The following PCSK6 variants were observed in gnomAD, a reference collection of about 807,000 sequenced individuals.
The protein encoded by PCSK6 is proprotein convertase subtilisin/kexin type 6.
PCSK6 carries 85 observed loss-of-function variants against 123.3 expected under a neutral mutation model. The ratio of observed to expected loss-of-function variants is 0.69; its 90% CI spans 0.58 to 0.83. The LOEUF is 0.83. PCSK6 is among the 40% of genes least tolerant of loss of function. The pLI is 0.00. For synonymous variants in PCSK6, 508 were observed against 516.0 expected (o/e 0.98, Z 0.21); for missense variants, 1,191 against 1,282.3 (o/e 0.93, Z 1.09).
In PCSK6 at chr15:101,376,581, C is replaced by T. The variant is rs550676222; in HGVS notation, c.1532+5511G>A. ...CTCCTAGGAATAACGCTTCAGTGTT[C>T]GTGGTGACTTTGTGGAACAGTACCA... is the stretch of plus-strand genomic sequence containing the variant. On this transcript the variant is annotated intron_variant, in intron 11 of 21. Coordinates refer to ENST00000611716, the MANE Select transcript of PCSK6 (RefSeq NM_002570.5). Among the ~76,000 whole-genome samples the T allele has an allele frequency of 6.6e-5, 10 of 152,316 alleles. No homozygotes were observed. In the East Asian group the frequency reaches 7.7e-4, roughly 12 times the overall value.
intron 15 of PCSK6, among the ~76,000 whole-genome samples, chr15:101,329,146 T>C (rs1048803620): frequency 5.9e-5 from 9 of 152,356 alleles, no homozygotes; most frequent in African/African-American, 2.2e-4. Flanking sequence ...TAGCGGCTGA[T>C]GCCTCTCTAG....
intron 21 of PCSK6, 50 bp downstream of exon 21, chr15:101,307,163 C>T: frequency 7.2e-7 from 1 of 1,386,738 alleles, no homozygotes; most frequent in Non-Finnish European, 1.0e-6. Flanking sequence ...ACGAGCTGGC[C>T]AGCTGAGCTC....
intron 1 of PCSK6, among the ~76,000 whole-genome samples, chr15:101,447,051 A>C (rs984765052): frequency 6.6e-6 from 1 of 152,182 alleles, no homozygotes; most frequent in Non-Finnish European, 1.5e-5. Context: ...AGGCCCATTG[A>C]AAGTCTCGTC....
chr15:101,453,483 G>A (rs1268908222), intron 1 of PCSK6, among the ~76,000 whole-genome samples: 1 of 152,222 alleles, frequency 6.6e-6, no homozygotes, highest in Admixed American at 6.5e-5. Context: ...CCCAGCCTGG[G>A]ACCCCATGTC....
At chr15:101,421,380 C>T (rs116080490) in intron 6 of PCSK6, among the ~76,000 whole-genome samples, 1 of 152,244 alleles carries the variant, frequency 6.6e-6, no homozygotes, top group African/African-American at 2.4e-5. Flanking sequence ...TTTTTGACAC[C>T]TTTCTACTCA....
At chr15:101,488,286 A>T (rs1411800463) in intron 1 of PCSK6, among the ~76,000 whole-genome samples, 1 of 152,212 alleles carries the variant, frequency 6.6e-6, no homozygotes. Flanking sequence ...TGTTAACTGC[A>T]CTGAGAGGTC....
intron 1 of PCSK6, among the ~76,000 whole-genome samples, chr15:101,450,220 C>T (rs149358367): frequency 3.3e-5 from 5 of 152,036 alleles, no homozygotes; most frequent in Non-Finnish European, 7.4e-5. Context: ...CCCGTACCAC[C>T]GCACTGACAC....
rs1365330379 is a variant in PCSK6 at position 101,426,607 on chromosome 15, G to A, written c.823+1285C>T. 3.3e-5 allele frequency among the ~76,000 whole-genome samples: 5 copies of A among 152,194 alleles called. No individual in the cohort carries two copies. The East Asian group carries it at 7.7e-4, about 23-fold the overall frequency. On this transcript the variant is annotated intron_variant, in intron 6 of 21. Transcript: ENST00000611716. ...ACCTTCAAGATTTCCACGGGAAAAGGCAGGCAGAGTCCTAATTAAGTAAAA... is the reference window on the plus strand; with the variant it reads ...ACCTTCAAGATTTCCACGGGAAAAGACAGGCAGAGTCCTAATTAAGTAAAA...
intron 11 of PCSK6, among the ~76,000 whole-genome samples, chr15:101,378,904 GT>G (rs1222285235): frequency 6.6e-6 from 1 of 152,238 alleles, no homozygotes; most frequent in Non-Finnish European, 1.5e-5. Context: ...ACTGTGTCTG[GT>G]GGGTCTGGCA....
intron 11 of PCSK6, among the ~76,000 whole-genome samples, chr15:101,375,337 A>G (rs1018632801): frequency 6.6e-6 from 1 of 152,198 alleles, no homozygotes; most frequent in African/African-American, 2.4e-5. Context: ...AATCCAGTAC[A>G]TTAACTTACA....
chr15:101,405,790 C>A (rs2042758314), intron 6 of PCSK6, among the ~76,000 whole-genome samples: 1 of 151,980 alleles, frequency 6.6e-6, no homozygotes, highest in East Asian at 1.9e-4. Flanking sequence ...GTCGCCCAGG[C>A]TGGAGTGCAG....
intron 16 of PCSK6, 96 bp from the exon 17 acceptor site, chr15:101,325,142 G>T: frequency 1.2e-6 from 1 of 819,834 alleles, no homozygotes; most frequent in Non-Finnish European, 1.9e-6. Context: ...AAGGCTTCAG[G>T]AGTGAATGTC....
chr15:101,465,417 G>T (rs937680939), intron 1 of PCSK6, among the ~76,000 whole-genome samples: 1 of 152,190 alleles, frequency 6.6e-6, no homozygotes, highest in Non-Finnish European at 1.5e-5. Context: ...CTGATGGTAC[G>T]TCCAGTGCAG....
intron 6 of PCSK6, among the ~76,000 whole-genome samples, chr15:101,426,088 G>T (rs989048170): frequency 9.2e-5 from 14 of 152,302 alleles, no homozygotes; most frequent in African/African-American, 2.9e-4. Flanking sequence ...GGGGAGCAAG[G>T]CTCAAGCAAC....
intron 7 of PCSK6, among the ~76,000 whole-genome samples, chr15:101,397,297 C>T (rs115165675): frequency 0.011 from 1,694 of 151,926 alleles, 29 homozygotes; most frequent in African/African-American, 0.039. Flanking sequence ...ATTCCTCCTC[C>T]GTGGGGCAGG....
intron 1 of PCSK6, among the ~76,000 whole-genome samples, chr15:101,487,733 G>C (rs1323583505): frequency 6.6e-6 from 1 of 152,156 alleles, no homozygotes; most frequent in African/African-American, 2.4e-5. Flanking sequence ...CAGGAGCCAG[G>C]GGCACTACGC....
chr15:101,392,548 G>A (rs2042262769), intron 8 of PCSK6, among the ~76,000 whole-genome samples: 1 of 144,740 alleles, frequency 6.9e-6, no homozygotes, highest in Admixed American at 7.0e-5. Flanking sequence ...TAATGACTTT[G>A]CACTTCAATT....
chr15:101,325,198 A>G (rs2040223099), intron 16 of PCSK6, among the ~76,000 whole-genome samples, 152 bp from the exon 17 acceptor site: 1 of 152,126 alleles, frequency 6.6e-6, no homozygotes, highest in African/African-American at 2.4e-5. Context: ...TGAGGTTCCT[A>G]CGTACACAGG....
chr15:101,398,788 C>T lies in PCSK6; in HGVS notation c.824-212G>A, dbSNP rs911791128. On this transcript the variant is annotated intron_variant, in intron 6 of 21. Transcript: ENST00000611716. The surrounding 1 kb of genome is among the most constrained non-coding windows in gnomAD (Gnocchi z 4.6). ...CAGGGCAACAAAAGAAAGCAAGCTACGTCCCAAAGAGAGGGTTCAGCTTCC... is the reference window on the plus strand; with the variant it reads ...CAGGGCAACAAAAGAAAGCAAGCTATGTCCCAAAGAGAGGGTTCAGCTTCC... Among the ~76,000 whole-genome samples the T allele has an allele frequency of 6.6e-6, 1 of 152,212 alleles. No homozygotes were observed. Among genetic ancestry groups the T allele is most frequent in the East Asian group, 1.9e-4 (1 of 5,202 alleles).
Sources: allele counts gnomAD v4.1 joint callset (sites outside exome capture counted in the v4.1 genomes callset), GRCh38; gene constraint gnomAD v4.1.1; non-coding constraint Gnocchi (gnomAD v3.1); transcripts MANE v1.5; gene names NCBI Gene and HGNC (gene_info 2026-07-23, HGNC 2026-07-21).